Variants in LARGE1 observed in about 807,000 individuals in gnomAD.
The protein encoded by LARGE1 is LARGE xylosyl- and glucuronyltransferase 1.
A neutral mutation model predicts 87.6 loss-of-function variants in LARGE1; 43 were observed. That is an observed-to-expected ratio of 0.49 (90% CI 0.38 to 0.63). LARGE1 has a LOEUF of 0.63. Ranked by LOEUF, LARGE1 falls within the 30% of genes least tolerant of loss-of-function variation. The pLI, the probability that LARGE1 is intolerant of heterozygous loss-of-function variation, is 0.00. For synonymous variants in LARGE1, 434 were observed against 394.6 expected, an observed-to-expected ratio of 1.10 and a Z score of -1.18; for missense variants, 802 against 1,000.2, an observed-to-expected ratio of 0.80 and a Z score of 2.67.
At chr22:33,470,782 A>AT (rs1321038243) in intron 6 of LARGE1, among the ~76,000 whole-genome samples, 2 of 152,212 alleles carry the variant, frequency 1.3e-5, no homozygotes, top group Non-Finnish European at 2.9e-5. Context: ...TTTCATTTAG[A>AT]TTCAGTTCAA....
intron 1 of LARGE1, among the ~76,000 whole-genome samples, chr22:33,805,812 A>C (rs1439621260): frequency 6.6e-6 from 1 of 152,078 alleles, no homozygotes; most frequent in African/African-American, 2.4e-5. Context: ...TATACCTAAC[A>C]TGTCCTATTT....
chr22:33,134,255 CTTT>C, the LARGE1 span, among the ~76,000 whole-genome samples: 270 of 124,310 alleles, frequency 2.2e-3, 4 homozygotes, highest in East Asian at 0.014. Context: ...AAAGAACTCC[CTTT>C]TTTTTTTTTT....
chr22:33,462,015 C>T (rs1236743440), intron 6 of LARGE1, among the ~76,000 whole-genome samples: 1 of 152,148 alleles, frequency 6.6e-6, no homozygotes, highest in Non-Finnish European at 1.5e-5. Context: ...AACTATGAGA[C>T]ATAACAAATC....
the LARGE1 span, among the ~76,000 whole-genome samples, chr22:33,073,969 A>T: frequency 3.6e-4 from 55 of 152,090 alleles, no homozygotes; most frequent in Non-Finnish European, 6.6e-4. Flanking sequence ...TCCTAACTAG[A>T]AGCTTCCTTC....
chr22:33,853,573 T>C (rs2063671688), intron 1 of LARGE1, among the ~76,000 whole-genome samples: 1 of 152,220 alleles, frequency 6.6e-6, no homozygotes, highest in Non-Finnish European at 1.5e-5. Context: ...CACACCAGTA[T>C]GATGTTCACA....
At chr22:33,521,486 G>A (rs2071591465) in intron 6 of LARGE1, among the ~76,000 whole-genome samples, 1 of 152,220 alleles carries the variant, frequency 6.6e-6, no homozygotes. Context: ...CTCCCAGAGT[G>A]GCAGGGGGAG....
intron 3 of LARGE1, among the ~76,000 whole-genome samples, chr22:33,631,537 A>G (rs1037178813): frequency 2.2e-4 from 33 of 152,174 alleles, no homozygotes; most frequent in African/African-American, 7.5e-4. Context: ...AGAATCATCA[A>G]TATCACTGTC....
intron 7 of LARGE1, among the ~76,000 whole-genome samples, chr22:33,388,060 T>C (rs570786890): frequency 6.6e-6 from 1 of 152,364 alleles, no homozygotes; most frequent in East Asian, 1.9e-4. Context: ...TTAGTGTGTT[T>C]TGGATTGCGT....
intron 1 of LARGE1, among the ~76,000 whole-genome samples, chr22:33,838,679 C>T (rs757120807): frequency 6.6e-6 from 1 of 152,150 alleles, no homozygotes; most frequent in African/African-American, 2.4e-5. Context: ...CCTAATAAAA[C>T]ATCTTTGGCA....
intron 1 of LARGE1, among the ~76,000 whole-genome samples, chr22:33,783,261 T>G (rs2085484495): frequency 6.6e-6 from 1 of 152,150 alleles, no homozygotes; most frequent in African/African-American, 2.4e-5. Flanking sequence ...CAAGAGCAGT[T>G]TGAGATTATA....
At chr22:33,561,760 A>C (rs1290493537) in intron 6 of LARGE1, among the ~76,000 whole-genome samples, 1 of 152,206 alleles carries the variant, frequency 6.6e-6, no homozygotes, top group Admixed American at 6.5e-5. Context: ...TAAAGGTGCA[A>C]ACCGCTGACA....
At chr22:33,295,951 G>A (rs1933189891) in intron 12 of LARGE1, among the ~76,000 whole-genome samples, 1 of 152,240 alleles carries the variant, frequency 6.6e-6, no homozygotes, top group South Asian at 2.1e-4. Context: ...GAGAAGCTAA[G>A]AAGGAGCTTT....
At chr22:33,308,988 C>T (rs1165126580) in intron 11 of LARGE1, among the ~76,000 whole-genome samples, 1 of 152,194 alleles carries the variant, frequency 6.6e-6, no homozygotes, top group East Asian at 1.9e-4. Context: ...TCAAACATGT[C>T]TTCACCTAAT....
At chr22:33,901,561 C>T (rs1390194226) in intron 1 of LARGE1, among the ~76,000 whole-genome samples, 1 of 152,188 alleles carries the variant, frequency 6.6e-6, no homozygotes, top group Non-Finnish European at 1.5e-5. Context: ...GTCCTAGCTA[C>T]TGGAGAGGCT....
intron 6 of LARGE1, among the ~76,000 whole-genome samples, chr22:33,541,601 A>G (rs1474355858): frequency 6.6e-6 from 1 of 152,192 alleles, no homozygotes; most frequent in Non-Finnish European, 1.5e-5. Context: ...AGAGCAATCC[A>G]TTCTTGAAAA....
At chr22:33,389,156 A>G (rs372479337) in intron 7 of LARGE1, among the ~76,000 whole-genome samples, 6 of 152,244 alleles carry the variant, frequency 3.9e-5, no homozygotes, top group Admixed American at 3.9e-4. Context: ...AGACTGGGCT[A>G]CGCAAGAACT....
the LARGE1 span, among the ~76,000 whole-genome samples, chr22:33,084,569 G>T: frequency 6.6e-6 from 1 of 151,678 alleles, no homozygotes; most frequent in African/African-American, 2.4e-5. Flanking sequence ...TGGGAGGATT[G>T]CTTGAACCCC....
intron 9 of LARGE1, among the ~76,000 whole-genome samples, chr22:33,352,032 C>T (rs958480102): frequency 6.6e-6 from 1 of 152,178 alleles, no homozygotes; most frequent in African/African-American, 2.4e-5. Context: ...CCCCCAAGGC[C>T]TGGCAAAAAT....
At chr22:33,378,488 T>C (rs1247155787) in intron 9 of LARGE1, among the ~76,000 whole-genome samples, 2 of 152,206 alleles carry the variant, frequency 1.3e-5, no homozygotes, top group Non-Finnish European at 2.9e-5. Context: ...AGGTCCTGTG[T>C]ATAGTATTTC....
Sources: allele counts gnomAD v4.1 joint callset (sites outside exome capture counted in the v4.1 genomes callset), GRCh38; gene constraint gnomAD v4.1.1; transcripts MANE v1.5; gene names NCBI Gene and HGNC (gene_info 2026-07-23, HGNC 2026-07-21).